TBL1XR1: variants seen among roughly 807,000 people sequenced by gnomAD.
The protein encoded by TBL1XR1 is TBL1X/Y related 1.
Under a neutral mutation model 66.9 loss-of-function variants are expected in TBL1XR1, and 5 were observed. That is an observed-to-expected ratio of 0.07 (90% CI 0.04 to 0.16). The LOEUF is 0.16. Ranked by LOEUF, TBL1XR1 falls within the 10% of genes least tolerant of loss-of-function variation. The pLI is 1.00. For missense variants in TBL1XR1, 238 were observed against 623.2 expected (o/e 0.38, Z 6.58); for synonymous variants, 210 against 206.0 (o/e 1.02, Z -0.17).
At chr3:177,154,563 A>G (rs1482715085) in intron 1 of TBL1XR1, among the ~76,000 whole-genome samples, 1 of 151,958 alleles carries the variant, frequency 6.6e-6, no homozygotes, top group Non-Finnish European at 1.5e-5. Context: ...TGCCCAGCTA[A>G]TTTTTGTTTT....
intron 1 of TBL1XR1, among the ~76,000 whole-genome samples, chr3:177,143,300 C>T (rs1484055820): frequency 6.6e-6 from 1 of 151,278 alleles, no homozygotes; most frequent in Non-Finnish European, 1.5e-5. Flanking sequence ...GAGCGATGCT[C>T]AGTATTTGCT....
intron 1 of TBL1XR1, among the ~76,000 whole-genome samples, chr3:177,134,137 C>T (rs1728631378): frequency 6.6e-6 from 1 of 152,104 alleles, no homozygotes; most frequent in Admixed American, 6.5e-5. Context: ...GATTCTTAAC[C>T]ACTGCCAAGT....
intron 1 of TBL1XR1, among the ~76,000 whole-genome samples, chr3:177,107,616 A>G (rs1399837890): frequency 1.3e-5 from 2 of 152,194 alleles, no homozygotes; most frequent in Non-Finnish European, 2.9e-5. Context: ...ATACATTCGA[A>G]CCAGCAAACA....
chr3:177,026,186 C>A (rs1004894832), intron 15 of TBL1XR1, 187 bp downstream of exon 15: 4 of 574,848 alleles, frequency 7.0e-6, no homozygotes, highest in Non-Finnish European at 1.2e-5. Context: ...GTAAGGACAG[C>A]CTAAATTTTG....
At chr3:177,077,140 A>G (rs1720792854) in intron 2 of TBL1XR1, among the ~76,000 whole-genome samples, 2 of 152,236 alleles carry the variant, frequency 1.3e-5, no homozygotes, top group Admixed American at 6.5e-5. Flanking sequence ...AAAACTGTCT[A>G]CTAACAAAGA....
intron 2 of TBL1XR1, among the ~76,000 whole-genome samples, chr3:177,089,967 TCTG>T (rs1227098147): frequency 2.0e-4 from 31 of 152,238 alleles, no homozygotes; most frequent in Non-Finnish European, 2.9e-5. Flanking sequence ...ATATATACTG[TCTG>T]CTAATGGGGA....
intron 1 of TBL1XR1, among the ~76,000 whole-genome samples, chr3:177,121,105 C>G (rs1208310178): frequency 6.6e-6 from 1 of 152,162 alleles, no homozygotes; most frequent in Non-Finnish European, 1.5e-5. Context: ...TCCATTATAA[C>G]CTACGGCTTG....
upstream of TBL1XR1, among the ~76,000 whole-genome samples, chr3:177,197,693 A>AGGC (rs1227517885): frequency 1.0e-3 from 27 of 26,554 alleles, 1 homozygote; most frequent in South Asian, 8.8e-3. Flanking sequence ...GGACGCCGGG[A>AGGC]GGCGGCGGCG....
intron 2 of TBL1XR1, among the ~76,000 whole-genome samples, chr3:177,091,706 T>C (rs1722866094): frequency 6.6e-6 from 1 of 152,090 alleles, no homozygotes; most frequent in Non-Finnish European, 1.5e-5. Flanking sequence ...CTCAAAAAAA[T>C]CCTCACTTGT....
chr3:177,179,769 T>A (rs1734584747), intron 1 of TBL1XR1, among the ~76,000 whole-genome samples: 1 of 152,204 alleles, frequency 6.6e-6, no homozygotes, highest in African/African-American at 2.4e-5. Context: ...TATGTTGATT[T>A]GTCAGAACAA....
chr3:177,086,247 T>C (rs149116897), intron 2 of TBL1XR1, among the ~76,000 whole-genome samples: 326 of 152,090 alleles, frequency 2.1e-3, no homozygotes, highest in African/African-American at 7.3e-3. Flanking sequence ...TTATAATCAA[T>C]AGTTTAAAAT....
chr3:177,046,313 T>C (rs994327045), intron 9 of TBL1XR1, 124 bp from the exon 10 acceptor site: 14 of 642,576 alleles, frequency 2.2e-5, no homozygotes, highest in Non-Finnish European at 3.3e-5. Flanking sequence ...TTAAACACTT[T>C]ATCCCAAATA....
Position 177,125,879 on chromosome 3 carries a change from G to T in TBL1XR1, c.-121-27338C>A, listed in dbSNP as rs544889348. 2.0e-5 allele frequency: 3 copies of T among 152,124 alleles called. No homozygotes were observed. In the East Asian group the frequency reaches 5.8e-4, roughly 29 times the overall value. 9.4% of individuals were successfully genotyped at this position (152,124 alleles called of 1,614,324 possible). A position where few individuals can be genotyped will look rare whatever the true frequency, so the allele number is the denominator to read the frequency against. ...TGACTTTTAATCAAATTATGGAATGGGCTATTAATCATTATTAGCCAATAC... is the reference window on the plus strand; with the variant it reads ...TGACTTTTAATCAAATTATGGAATGTGCTATTAATCATTATTAGCCAATAC... On this transcript the variant is annotated intron_variant, in intron 1 of 15. Coordinates refer to ENST00000457928, the MANE Select transcript of TBL1XR1 (RefSeq NM_024665.7).
chr3:177,112,105 ATATT>A (rs1282876664), intron 1 of TBL1XR1, among the ~76,000 whole-genome samples: 84 of 40,228 alleles, frequency 2.1e-3, no homozygotes, highest in African/African-American at 0.011. Flanking sequence ...ATATATATAT[ATATT>A]TTTTTTTTTT....
intron 1 of TBL1XR1, among the ~76,000 whole-genome samples, chr3:177,101,650 CG>C (rs985416319): frequency 2.0e-5 from 3 of 152,166 alleles, no homozygotes; most frequent in African/African-American, 7.2e-5. Context: ...TTCCCACAGG[CG>C]GCCCCTCAAG....
intron 2 of TBL1XR1, among the ~76,000 whole-genome samples, chr3:177,086,463 A>C (rs1406618224): frequency 6.6e-6 from 1 of 151,970 alleles, no homozygotes; most frequent in Non-Finnish European, 1.5e-5. Context: ...GTGTCTCAAT[A>C]TGGGTAGTCT....
At chr3:177,065,429 C>T (rs75498785) in intron 2 of TBL1XR1, among the ~76,000 whole-genome samples, 365 of 152,194 alleles carry the variant, frequency 2.4e-3, no homozygotes, top group Middle Eastern at 0.014. Context: ...GGGAAAAGAC[C>T]ATTGGGTGGG....
intron 1 of TBL1XR1, among the ~76,000 whole-genome samples, chr3:177,162,503 C>T (rs12494920): frequency 0.45 from 68,286 of 152,038 alleles, 17,247 homozygotes; most frequent in Non-Finnish European, 0.56. Context: ...AACTGATTGT[C>T]TAAGATGGAG....
chr3:177,124,362 A>G (rs1727351419), intron 1 of TBL1XR1, among the ~76,000 whole-genome samples: 1 of 152,096 alleles, frequency 6.6e-6, no homozygotes, highest in Admixed American at 6.5e-5. Context: ...TCAATGCAGA[A>G]ATCATTTCTG....
Sources: allele counts gnomAD v4.1 joint callset (sites outside exome capture counted in the v4.1 genomes callset), GRCh38; gene constraint gnomAD v4.1.1; transcripts MANE v1.5; gene names NCBI Gene and HGNC (gene_info 2026-07-23, HGNC 2026-07-21).